Variants in TMEM161A observed in about 807,000 individuals in gnomAD.
The protein encoded by TMEM161A is transmembrane protein 161A.
In TMEM161A, 46 loss-of-function variants were observed where a neutral mutation model predicts 57.1. The ratio of observed to expected loss-of-function variants is 0.81; its 90% confidence interval spans 0.64 to 1.03. The LOEUF is 1.03. Among genes scored for constraint, TMEM161A ranks in the 50% least tolerant of loss-of-function variants. TMEM161A has a pLI of 0.00. For synonymous variants in TMEM161A, 288 were observed against 279.0 expected (o/e 1.03, Z -0.32); for missense variants, 601 against 621.5 (o/e 0.97, Z 0.35).
chr19:19,127,575 G>A (rs1328016953), intron 6 of TMEM161A, among the ~76,000 whole-genome samples: 4 of 151,860 alleles, frequency 2.6e-5, no homozygotes, highest in Admixed American at 1.3e-4. Flanking sequence ...GCCCGCCTTG[G>A]CCTCCCAAAA....
chr19:19,130,464 C>A, intron 5 of TMEM161A, 157 bp from the exon 6 acceptor site: 1 of 842,444 alleles, frequency 1.2e-6, no homozygotes, highest in East Asian at 2.6e-5. Flanking sequence ...GGTGCTGGAT[C>A]TCAGATCAGG....
rs755500804 is a variant in TMEM161A, at chr19:19,120,112, T to C, written c.1258A>G (p.Ile420Val). 1.0e-5 allele frequency: 16 copies of C among 1,571,480 alleles called. No homozygotes were observed. Among genetic ancestry groups the C allele is most frequent in the African/African-American group, 4.1e-5 (3 of 74,040 alleles). ...PDPSSASAAPIGSGEDEVQQT... is the reference protein window; with the variant it reads ...PDPSSASAAPVGSGEDEVQQT... ...TGGACTTCGTCCTCCCCAGAGCCGA[T>C]GGGGGCAGCGCTGGCTGAGGATGGG... Residue 420 changes from isoleucine (I) to valine (V), a missense_variant, in exon 12 of 12, where the codon ATC becomes GTC. By Grantham distance (29) the Ile-to-Val change is conservative. Coordinates refer to ENST00000162044, the MANE Select transcript of TMEM161A (RefSeq NM_017814.3).
rs946265863 is a variant in TMEM161A, at chr19:19,132,575, T to C, written c.287-67A>G. The C allele has an allele frequency of 3.0e-5, 47 of 1,578,764 alleles. No individual in the cohort carries two copies. In the African/African-American group the frequency reaches 6.2e-4, roughly 21 times the overall value. On this transcript the variant is annotated intron_variant, in intron 4 of 11. Transcript: ENST00000162044. The surrounding 1 kb of genome is among the most constrained non-coding windows in gnomAD (Gnocchi z 4.3). ...CCCCTCCTAATAGAACATTCTTCCTTCAAATCCTCCCCACCCCCATGAGGG... is the reference window on the plus strand; with the variant it reads ...CCCCTCCTAATAGAACATTCTTCCTCCAAATCCTCCCCACCCCCATGAGGG...
rs144005842 is a variant in TMEM161A at position 19,132,459 on chromosome 19, G to A, written c.336C>T (p.Tyr112=). 150 of 1,614,056 alleles carry A rather than the reference G, an allele frequency of 9.3e-5. No individual in the cohort carries two copies. Among genetic ancestry groups the A allele is most frequent in the Middle Eastern group, 1.6e-4 (1 of 6,082 alleles). ...CTGTGAAGAGGTACACGCCGCCCGAGTACACAGCAAAGTCCACAAACCACT... is the reference window on the plus strand; with the variant it reads ...CTGTGAAGAGGTACACGCCGCCCGAATACACAGCAAAGTCCACAAACCACT... ...EYQWFVDFAV[Y]SGGVYLFTEA... Residue 112 remains tyrosine, a synonymous_variant, in exon 5 of 12, where the codon TAC becomes TAT. Coordinates refer to ENST00000162044, the MANE Select transcript of TMEM161A (RefSeq NM_017814.3). The surrounding 1 kb of genome is among the most constrained non-coding windows in gnomAD (Gnocchi z 4.3).
In TMEM161A at chr19:19,130,356, C is replaced by T. The variant is rs753454392; in HGVS notation, c.444-49G>A. On this transcript the variant is annotated intron_variant, in intron 5 of 11. Transcript: ENST00000162044. ...CTCAGGTGCCACTGCCCCACTCTGCCCATTTCACCACACTCCGTCTGGGAC... is the reference window on the plus strand; with the variant it reads ...CTCAGGTGCCACTGCCCCACTCTGCTCATTTCACCACACTCCGTCTGGGAC... 6 of 1,604,646 alleles carry T rather than the reference C, an allele frequency of 3.7e-6. 1 individual carries two copies. Among genetic ancestry groups the T allele is most frequent in the Admixed American group, 1.7e-5 (1 of 59,962 alleles).
chr19:19,119,825 G>A lies in TMEM161A; in HGVS notation c.*105C>T, dbSNP rs2059898302. ...GGTGAAGGGAACGCCGGGGAGTCCG[G>A]CCCCACCTTGCAGCTGGGGACACGG... On this transcript the variant is annotated 3_prime_UTR_variant, in exon 12 of 12. Coordinates refer to ENST00000162044, the MANE Select transcript of TMEM161A (RefSeq NM_017814.3). 1 of 1,400,648 alleles carries A rather than the reference G, an allele frequency of 7.1e-7. No individual in the cohort carries two copies. The highest frequency in any genetic ancestry group is 9.6e-7 in the Non-Finnish European group (1 of 1,040,932). 86.8% of individuals were successfully genotyped at this position (1,400,648 alleles called of 1,614,324 possible).
At position 19,121,231 on chromosome 19, in the gene TMEM161A, C is replaced by G. The variant is rs2059908599; in HGVS notation, c.915-65G>C. The G allele has an allele frequency of 3.2e-5, 50 of 1,550,602 alleles. 1 individual carries two copies. The South Asian group carries it at 5.7e-4, about 18-fold the overall frequency. ...GCCCCCGACCCCCCAGGATCTTCCC[C>G]AGGCTCCTCCCTGAATCTCAGAGGC... On this transcript the variant is annotated intron_variant, in intron 9 of 11. Coordinates refer to ENST00000162044, the MANE Select transcript of TMEM161A (RefSeq NM_017814.3). The surrounding 1 kb of genome is among the most constrained non-coding windows in gnomAD (Gnocchi z 5.8).
intron 1 of TMEM161A, among the ~76,000 whole-genome samples, chr19:19,136,398 G>A (rs2059984544): frequency 6.6e-6 from 1 of 152,186 alleles, no homozygotes; most frequent in South Asian, 2.1e-4. Flanking sequence ...GCTCGTGCCT[G>A]TAATCCCAGC....
In TMEM161A at chr19:19,132,242, G is replaced by A. The variant is rs559090476; in HGVS notation, c.443+110C>T. 4.5e-5 allele frequency: 57 copies of A among 1,277,264 alleles called. No homozygotes were observed. The highest frequency in any genetic ancestry group is 4.1e-5 in the Non-Finnish European group (38 of 917,612). The allele number at this position is 1,277,264 out of a possible 1,614,324, so 79.1% of individuals were successfully genotyped here. On this transcript the variant is annotated intron_variant, in intron 5 of 11. Transcript: ENST00000162044. The surrounding 1 kb of genome is among the most constrained non-coding windows in gnomAD (Gnocchi z 4.3). ...TCTGCTTCATGTCACTAAGCTTGGG[G>A]AAGTTTGTGGCACAGCAGGTGAAAA...
chr19:19,124,438 G>A (rs2059922578), intron 6 of TMEM161A, among the ~76,000 whole-genome samples: 1 of 152,168 alleles, frequency 6.6e-6, no homozygotes, highest in Non-Finnish European at 1.5e-5. Context: ...TCACATTCCA[G>A]GCCATAGGGC....
In TMEM161A at chr19:19,132,631, GT is replaced by G; in HGVS notation, c.286+25del. Reference sequence around the variant, plus strand: ...AGACCTTCAGGGCTGAGGGAGTAGAGTTTAGGGATGGGACTGGGCTATTACC... The same window carrying G: ...AGACCTTCAGGGCTGAGGGAGTAGAGTTAGGGATGGGACTGGGCTATTACC... On this transcript the variant is annotated intron_variant, in intron 4 of 11. Transcript: ENST00000162044. This position sits in a 1 kb window ranked among gnomAD's most constrained non-coding sequence, Gnocchi z 4.3. 1 of 1,555,530 alleles carries G rather than the reference GT, an allele frequency of 6.4e-7. No homozygotes were observed. The highest frequency in any genetic ancestry group is 8.7e-7 in the Non-Finnish European group (1 of 1,149,536).
chr19:19,120,317 C>T, intron 11 of TMEM161A, 134 bp from the exon 12 acceptor site: 2 of 808,638 alleles, frequency 2.5e-6, no homozygotes. Flanking sequence ...CCAGCCCAGT[C>T]TCCACCCCCT....
intron 2 of TMEM161A, among the ~76,000 whole-genome samples, chr19:19,133,719 GC>G (rs1346793196): frequency 1.3e-5 from 2 of 152,050 alleles, no homozygotes; most frequent in African/African-American, 4.8e-5. Flanking sequence ...TGATCCACCC[GC>G]CCCGGCCTCC....
rs376671928 is a variant in TMEM161A, at chr19:19,134,817, C to T, written c.74G>A (p.Cys25Tyr). 3.1e-6 allele frequency: 5 copies of T among 1,593,366 alleles called. No homozygotes were observed. The highest frequency in any genetic ancestry group is 4.3e-6 in the Non-Finnish European group (5 of 1,171,196). Reference protein sequence around the residue: ...ATLMHRLAPHCSFARWLLCNG... With the variant: ...ATLMHRLAPHYSFARWLLCNG... ...ACAGAGCAGCCAGCGCGCGAAGGAGCAGTGTGGCGCCAGCCTGTGCATGAG... is the reference window on the plus strand; with the variant it reads ...ACAGAGCAGCCAGCGCGCGAAGGAGTAGTGTGGCGCCAGCCTGTGCATGAG... The change falls in exon 2 of 12, where the codon TGC becomes TAC. Residue 25 changes from cysteine (C) to tyrosine (Y), a missense_variant. Transcript: ENST00000162044.
At chr19:19,137,904 CTG>C (rs2059991428) in intron 1 of TMEM161A, among the ~76,000 whole-genome samples, 1 of 152,166 alleles carries the variant, frequency 6.6e-6, no homozygotes, top group African/African-American at 2.4e-5. Context: ...GTCTCCCACT[CTG>C]AGAACCTTGC....
chr19:19,130,015 G>T, intron 6 of TMEM161A, 141 bp downstream of exon 6: 1 of 881,694 alleles, frequency 1.1e-6, no homozygotes, highest in Non-Finnish European at 1.7e-6. Context: ...AGCTGAGATG[G>T]TCACTAATGG....
rs2059963312 is a variant in TMEM161A at position 19,132,431 on chromosome 19, C to G, written c.364G>C (p.Ala122Pro). 6.2e-7 allele frequency: 1 copy of G among 1,614,144 alleles called. No individual in the cohort carries two copies. The highest frequency in any genetic ancestry group is 8.5e-7 in the Non-Finnish European group (1 of 1,180,020). The change falls in exon 5 of 12, where the codon GCC becomes CCC. Residue 122 changes from alanine (A) to proline (P), a missense_variant. By Grantham distance (27) the Ala-to-Pro change is conservative. Coordinates refer to ENST00000162044, the MANE Select transcript of TMEM161A (RefSeq NM_017814.3). This position sits in a 1 kb window ranked among gnomAD's most constrained non-coding sequence, Gnocchi z 4.3. ...GCTGGTCCCAGCATGTAGTAGTAGGCCTCTGTGAAGAGGTACACGCCGCCC... is the reference window on the plus strand; with the variant it reads ...GCTGGTCCCAGCATGTAGTAGTAGGGCTCTGTGAAGAGGTACACGCCGCCC... ...YSGGVYLFTEAYYYMLGPAKE... is the reference protein window; with the variant it reads ...YSGGVYLFTEPYYYMLGPAKE...
rs1302192313 is a variant in TMEM161A at position 19,121,119 on chromosome 19, A to G, written c.962T>C (p.Val321Ala). Residue 321 changes from valine to alanine, a missense_variant, in exon 10 of 12, where the codon GTG becomes GCG. Transcript: ENST00000162044. The surrounding 1 kb of genome is among the most constrained non-coding windows in gnomAD (Gnocchi z 5.8). ...CACCGCCAGCCGCAGCAGGCACAGC[A>G]CCACCAGCAACCAGAGGCGCCCAGA... ...FDSGRLWLLVVLCLLRLAVTR... is the reference protein window; with the variant it reads ...FDSGRLWLLVALCLLRLAVTR... 2 of 1,611,160 alleles carry G rather than the reference A, an allele frequency of 1.2e-6. No homozygotes were observed. The highest frequency in any genetic ancestry group is 3.3e-5 in the Admixed American group (2 of 59,810).
rs1445748769 is a variant in TMEM161A, at chr19:19,130,508, G to A, written c.444-201C>T. 8.2e-6 allele frequency: 5 copies of A among 612,318 alleles called. No individual in the cohort carries two copies. In the South Asian group the frequency reaches 9.9e-5, roughly 12 times the overall value. The allele number at this position is 612,318 out of a possible 1,614,324, so 37.9% of individuals were successfully genotyped here. The stretch of plus-strand genomic sequence containing the variant: ...TGGGGGTTCCCGTTGAGTGGGAGAT[G>A]GCCTCATCAGGCCACCGTGTCTGTA... On this transcript the variant is annotated intron_variant, in intron 5 of 11. Coordinates refer to ENST00000162044, the MANE Select transcript of TMEM161A (RefSeq NM_017814.3).
Sources: allele counts gnomAD v4.1 joint callset (sites outside exome capture counted in the v4.1 genomes callset), GRCh38; gene constraint gnomAD v4.1.1; non-coding constraint Gnocchi (gnomAD v3.1); transcripts MANE v1.5; gene names NCBI Gene and HGNC (gene_info 2026-07-23, HGNC 2026-07-21).